NOTCH2: variants seen among roughly 807,000 people sequenced by gnomAD.
NOTCH2 encodes the protein neurogenic locus notch homolog protein 2.
A neutral mutation model predicts 235.8 loss-of-function variants in NOTCH2; 29 were observed. The observed-to-expected ratio is 0.12, with a 90% CI of 0.09 to 0.17. NOTCH2 has a LOEUF of 0.17. Ranked by LOEUF, NOTCH2 falls within the 10% of genes least tolerant of loss-of-function variation. NOTCH2 has a pLI of 1.00. For missense variants in NOTCH2, 2,285 were observed against 3,150.2 expected (o/e 0.73, Z 6.57); for synonymous variants, 1,086 against 1,141.5 (o/e 0.95, Z 0.98).
chr1:120,039,583 TG>T (rs1654463263), intron 1 of NOTCH2, among the ~76,000 whole-genome samples: 1 of 151,008 alleles, frequency 6.6e-6, no homozygotes, highest in South Asian at 2.1e-4. Context: ...TAATTTTTTT[TG>T]TATTTTTAGT....
At chr1:120,066,812 TC>T (rs1655525842) in intron 1 of NOTCH2, among the ~76,000 whole-genome samples, 1 of 150,616 alleles carries the variant, frequency 6.6e-6, no homozygotes, top group Non-Finnish European at 1.5e-5. Context: ...CCTCCTCCTC[TC>T]CACCACACCA....
At chr1:119,979,937 TA>T (rs753995742) in intron 5 of NOTCH2, among the ~76,000 whole-genome samples, 1 of 151,874 alleles carries the variant, frequency 6.6e-6, no homozygotes, top group African/African-American at 2.4e-5. Context: ...CTTTAAAAAT[TA>T]AAAAAAAGAC....
intron 1 of NOTCH2, among the ~76,000 whole-genome samples, chr1:120,065,246 C>T (rs1208278760): frequency 1.3e-5 from 2 of 152,148 alleles, no homozygotes; most frequent in East Asian, 1.9e-4. Context: ...TTTAAAATGT[C>T]TAGGAGTACC....
At chr1:119,948,950 C>A in intron 16 of NOTCH2, 57 bp downstream of exon 16, 2 of 1,611,686 alleles carry the variant, frequency 1.2e-6, no homozygotes, top group Non-Finnish European at 1.7e-6. Flanking sequence ...GATAACCTGA[C>A]CACTTTGTTT....
chr1:119,943,040 T>C (rs1362238613), intron 17 of NOTCH2, among the ~76,000 whole-genome samples: 7 of 152,096 alleles, frequency 4.6e-5, no homozygotes, highest in Non-Finnish European at 1.0e-4. Context: ...GCCTGGCTAA[T>C]TTTTGTATTT....
Position 119,940,726 on chromosome 1 carries a change from A to G in NOTCH2, c.3012T>C (p.Asp1004=), listed in dbSNP as rs1169528026. 1 of 1,614,100 alleles carries G rather than the reference A, an allele frequency of 6.2e-7. No homozygotes were observed. The highest frequency in any genetic ancestry group is 8.5e-7 in the Non-Finnish European group (1 of 1,180,032). ...SSCFNGGTCV[D]GINSFSCLCP... Reference sequence around the variant, plus strand: ...ACAAGCAAGAGAAGGAGTTAATCCCATCAACACATGTGCCACCATTGAAAC... The same window carrying G: ...ACAAGCAAGAGAAGGAGTTAATCCCGTCAACACATGTGCCACCATTGAAAC... The change falls in exon 19 of 34, where the codon GAT becomes GAC. Residue 1004 remains aspartate (D), a synonymous_variant. Coordinates refer to ENST00000256646, the MANE Select transcript of NOTCH2 (RefSeq NM_024408.4).
chr1:120,045,894 T>C (rs28519475), intron 1 of NOTCH2, among the ~76,000 whole-genome samples: 7,296 of 151,830 alleles, frequency 0.048, 342 homozygotes, highest in African/African-American at 0.17. Flanking sequence ...AGGGGAGGTG[T>C]AAGACCATCC....
chr1:120,015,405 C>G (rs1653402215), intron 2 of NOTCH2, among the ~76,000 whole-genome samples: 1 of 151,398 alleles, frequency 6.6e-6, no homozygotes, highest in Admixed American at 6.6e-5. Context: ...AAAAAACTAA[C>G]AAAACCCAGA....
At position 119,917,600 on chromosome 1, in the gene NOTCH2, G is replaced by A. The variant is rs587759334; in HGVS notation, c.6027+65C>T. 5.7e-4 allele frequency: 596 copies of A among 1,043,046 alleles called. 6 individuals carry two copies. In the Admixed American group the frequency reaches 9.8e-3, roughly 17 times the overall value. The allele number at this position is 1,043,046 out of a possible 1,614,324, so 64.6% of individuals were successfully genotyped here. A position where few individuals can be genotyped will look rare whatever the true frequency, so the allele number is the denominator to read the frequency against. ...AACAAGAGAAGCTGTAAGGAGAAAC[G>A]GGAATGGGCTTATAACTGAGGCACT... is the stretch of plus-strand genomic sequence containing the variant. On this transcript the variant is annotated intron_variant, in intron 33 of 33. Transcript: ENST00000256646.
At chr1:119,983,395 CA>C (rs1651886126) in intron 5 of NOTCH2, among the ~76,000 whole-genome samples, 2 of 152,208 alleles carry the variant, frequency 1.3e-5, no homozygotes, top group South Asian at 4.2e-4. Flanking sequence ...CCAAGAGATC[CA>C]TTCATCTCAG....
intron 1 of NOTCH2, among the ~76,000 whole-genome samples, chr1:120,037,489 G>T (rs1331766769): frequency 6.6e-6 from 1 of 151,648 alleles, no homozygotes; most frequent in Non-Finnish European, 1.5e-5. Flanking sequence ...TTCTCATAGC[G>T]CCCTGCAATT....
At chr1:120,041,041 CAAAAAAAAAAAA>C (rs71586698) in intron 1 of NOTCH2, among the ~76,000 whole-genome samples, 13 of 15,652 alleles carry the variant, frequency 8.3e-4, no homozygotes, top group South Asian at 2.6e-3. Flanking sequence ...ACTCTGCCTG[CAAAAAAAAAAAA>C]AAAAAAAAAA....
Position 119,916,174 on chromosome 1 carries a change from A to G in NOTCH2, c.6548T>C (p.Met2183Thr), listed in dbSNP as rs781549153. 1 of 1,614,206 alleles carries G rather than the reference A, an allele frequency of 6.2e-7. No homozygotes were observed. ...PGILQASPNP[M>T]LATAAPPAPV... is the part of the protein sequence containing the mutation. Reference sequence around the variant, plus strand: ...GGCAGGAGGGGCGGCAGTGGCCAACATAGGGTTGGGTGAGGCCTGTAAGAT... The same window carrying G: ...GGCAGGAGGGGCGGCAGTGGCCAACGTAGGGTTGGGTGAGGCCTGTAAGAT... The change falls in exon 34 of 34, where the codon ATG becomes ACG. Residue 2183 changes from methionine to threonine, a missense_variant. Met to Thr is a moderately conservative substitution (Grantham distance 81, BLOSUM62 -1). This residue lies in a region of NOTCH2 where 504 missense variants were observed against 538.0 expected (regional missense o/e 0.94). Transcript: ENST00000256646.
intron 1 of NOTCH2, among the ~76,000 whole-genome samples, chr1:120,066,418 T>C (rs1366487577): frequency 6.9e-6 from 1 of 144,940 alleles, no homozygotes; most frequent in East Asian, 1.9e-4. Context: ...CCAACAGATT[T>C]TGATGTAGCC....
chr1:119,938,007 G>C lies in NOTCH2; in HGVS notation c.3187C>G (p.Leu1063Val). The change falls in exon 20 of 34, where the codon CTG (leucine) becomes GTG (valine). Residue 1063 changes from leucine to valine, a missense_variant. Coordinates refer to ENST00000256646, the MANE Select transcript of NOTCH2 (RefSeq NM_024408.4). ...GGAGACCGACTGCAGAGATTCACCA[G>C]GGTCTGAAACAGAGGCAGGGGTGTA... ...LGYTGKNCQT[L>V]VNLCSRSPCK... 1 of 1,614,146 alleles carries C rather than the reference G, an allele frequency of 6.2e-7. No homozygotes were observed. The highest frequency in any genetic ancestry group is 8.5e-7 in the Non-Finnish European group (1 of 1,179,994).
At position 119,955,185 on chromosome 1, in the gene NOTCH2, G is replaced by A. The variant is rs782169028; in HGVS notation, c.2074C>T (p.Arg692Cys). Residue 692 changes from arginine to cysteine, a missense_variant, in exon 13 of 34, where the codon CGC (arginine) becomes TGC (cysteine). This residue lies in a region of NOTCH2 where 1,173 missense variants were observed against 1,515.3 expected (regional missense o/e 0.77). Transcript: ENST00000256646. ...CCGTTGATACATGTTGCACCCTTGCGACAGGGATTGGAGGCACACTCATCA... is the reference window on the plus strand; with the variant it reads ...CCGTTGATACATGTTGCACCCTTGCAACAGGGATTGGAGGCACACTCATCA... Reference protein sequence around the residue: ...DIDECASNPCRKGATCINGVN... With the variant: ...DIDECASNPCCKGATCINGVN... 9.9e-6 allele frequency: 16 copies of A among 1,613,912 alleles called. No homozygotes were observed. The highest frequency in any genetic ancestry group is 4.0e-5 in the African/African-American group (3 of 74,874).
intron 31 of NOTCH2, 97 bp downstream of exon 31, chr1:119,919,215 T>C (rs1004743551): frequency 8.4e-6 from 11 of 1,306,398 alleles, no homozygotes; most frequent in Admixed American, 5.3e-5. Context: ...TCTCAAATGA[T>C]TGAATAAATT....
chr1:120,058,018 C>CT (rs1553215532), intron 1 of NOTCH2, among the ~76,000 whole-genome samples: 1 of 123,682 alleles, frequency 8.1e-6, no homozygotes, highest in Non-Finnish European at 1.7e-5. Context: ...ACACCCCTCA[C>CT]TAACCATAGG....
rs377390428 is a variant in NOTCH2 at position 120,035,373 on chromosome 1, T to G, written c.74-5386A>C. 8.7e-3 allele frequency among the ~76,000 whole-genome samples: 1,318 copies of G among 151,738 alleles called. 30 individuals carry two copies. Among genetic ancestry groups the G allele is most frequent in the South Asian group, 0.052 (251 of 4,814 alleles). On this transcript the variant is annotated intron_variant, in intron 1 of 33. Transcript: ENST00000256646. ...CTTTTTCTTCCAAGGACAAGCCATT[T>G]CTTACTTTAACGAGTCTAGGCTCCC...
Sources: gnomAD v4.1 joint callset for allele counts (sites outside exome capture counted in the v4.1 genomes callset) on GRCh38, gnomAD v4.1.1 for gene constraint, gnomAD v4.1.1 regional missense constraint, MANE v1.5 for transcripts, NCBI Gene and HGNC (gene_info 2026-07-23, HGNC 2026-07-21) for gene names.